Variants in MINK1 observed in about 807,000 individuals in gnomAD.
MINK1 encodes misshapen like kinase 1, also known as misshapen-like kinase 1.
MINK1 carries 46 observed loss-of-function variants against 178.4 expected under a neutral mutation model. The ratio of observed to expected loss-of-function variants is 0.26; its 90% CI spans 0.20 to 0.33. The LOEUF (loss-of-function observed/expected upper bound fraction) is 0.33. Among genes scored for constraint, MINK1 ranks in the 10% least tolerant of loss-of-function variants. The pLI is 1.00. For synonymous variants in MINK1, 797 were observed against 709.7 expected, an observed-to-expected ratio of 1.12 and a Z score of -1.96; for missense variants, 1,366 against 1,814.9, an observed-to-expected ratio of 0.75 and a Z score of 4.49.
intron 19 of MINK1, 93 bp downstream of exon 19, chr17:4,892,861 C>CG (rs952006677): frequency 1.4e-6 from 2 of 1,394,482 alleles, no homozygotes; most frequent in Non-Finnish European, 2.0e-6. Flanking sequence ...GGCACCCACA[C>CG]GGACAGGGAG....
At chr17:4,846,660 C>T (rs980526578) in intron 1 of MINK1, among the ~76,000 whole-genome samples, 1 of 152,180 alleles carries the variant, frequency 6.6e-6, no homozygotes, top group Non-Finnish European at 1.5e-5. Context: ...AGCAGAGCCT[C>T]TATGGGCCAT....
intron 1 of MINK1, among the ~76,000 whole-genome samples, chr17:4,850,320 T>C (rs2150799725): frequency 6.6e-6 from 1 of 152,240 alleles, no homozygotes; most frequent in East Asian, 1.9e-4. Flanking sequence ...ACAGGCCTGG[T>C]GAAAAGTTGA....
chr17:4,878,145 C>T (rs1395680327), intron 1 of MINK1, among the ~76,000 whole-genome samples, 172 bp from the exon 2 acceptor site: 1 of 152,186 alleles, frequency 6.6e-6, no homozygotes, highest in Non-Finnish European at 1.5e-5. Flanking sequence ...AGAACATTCA[C>T]TCTGAACCAA....
In MINK1 at chr17:4,885,007, G is replaced by T; in HGVS notation, c.508+5G>T. The T allele has an allele frequency of 6.2e-7, 1 of 1,613,648 alleles. No homozygotes were observed. The highest frequency in any genetic ancestry group is 8.5e-7 in the Non-Finnish European group (1 of 1,179,722). ...AGAATGCTGAGGTCAAGCTAGGTGCGCCGGCTCCTTCTGAGGCTGACGAGG... is the reference window on the plus strand; with the variant it reads ...AGAATGCTGAGGTCAAGCTAGGTGCTCCGGCTCCTTCTGAGGCTGACGAGG... On this transcript the variant is annotated splice_donor_5th_base_variant and intron_variant, in intron 6 of 31. Transcript: ENST00000355280. This position sits in a 1 kb window ranked among gnomAD's most constrained non-coding sequence, Gnocchi z 5.0.
At chr17:4,856,934 G>GTCCAGTTGATGGT in intron 1 of MINK1, 1 of 166,200 alleles carries the variant, frequency 6.0e-6, no homozygotes. Context: ...TGTGACTGGT[G>GTCCAGTTGATGGT]GGTTTTGAGA....
intron 19 of MINK1, 31 bp downstream of exon 19, chr17:4,892,799 T>C (rs1378706242): frequency 6.4e-7 from 1 of 1,565,704 alleles, no homozygotes; most frequent in Non-Finnish European, 8.7e-7. Context: ...CAGCCTGCTC[T>C]GGGCCTGGGG....
intron 1 of MINK1, among the ~76,000 whole-genome samples, chr17:4,841,043 G>A (rs1271378956): frequency 6.6e-6 from 1 of 152,140 alleles, no homozygotes; most frequent in African/African-American, 2.4e-5. Context: ...TGACAGAGGA[G>A]ATAGCTGAGA....
chr17:4,856,283 C>T (rs1913120227), intron 1 of MINK1, among the ~76,000 whole-genome samples: 1 of 152,138 alleles, frequency 6.6e-6, no homozygotes, highest in African/African-American at 2.4e-5. Flanking sequence ...GCAAGCATCT[C>T]GCGCTCTACT....
chr17:4,850,541 T>C (rs1382227478), intron 1 of MINK1, among the ~76,000 whole-genome samples: 1 of 145,978 alleles, frequency 6.9e-6, no homozygotes, highest in Non-Finnish European at 1.5e-5. Context: ...CTCTACCTGT[T>C]CTTCCTACAG....
rs752419562 is a variant in MINK1, at chr17:4,833,602, G to C, written c.19G>C (p.Ala7Pro). The change falls in exon 1 of 32, where the codon GCC becomes CCC. Residue 7 changes from alanine to proline, a missense_variant. Ala to Pro is a conservative substitution (Grantham distance 27, BLOSUM62 -1). Coordinates refer to ENST00000355280, the MANE Select transcript of MINK1 (RefSeq NM_153827.5). This position sits in a 1 kb window ranked among gnomAD's most constrained non-coding sequence, Gnocchi z 4.8. ...GGAGGCCATGGGCGACCCAGCCCCC[G>C]CCCGCAGCCTGGACGACATCGACCT... MGDPAP[A>P]RSLDDIDLSA... 1 of 1,499,850 alleles carries C rather than the reference G, an allele frequency of 6.7e-7. No individual in the cohort carries two copies. The highest frequency in any genetic ancestry group is 1.5e-5 in the African/African-American group (1 of 68,878). The allele number at this position is 1,499,850 out of a possible 1,614,324, so 92.9% of individuals were successfully genotyped here. A position where few individuals can be genotyped will look rare whatever the true frequency, so the allele number is the denominator to read the frequency against.
intron 1 of MINK1, among the ~76,000 whole-genome samples, chr17:4,838,545 T>C (rs950643536): frequency 4.6e-5 from 7 of 152,152 alleles, no homozygotes; most frequent in Non-Finnish European, 8.8e-5. Context: ...AACTTGCACA[T>C]GTAAACCATC....
At chr17:4,835,206 C>T (rs908249477) in intron 1 of MINK1, among the ~76,000 whole-genome samples, 6 of 152,108 alleles carry the variant, frequency 3.9e-5, no homozygotes, top group African/African-American at 1.4e-4. Context: ...AGATGGAAAT[C>T]CAGATTCTGA....
Position 4,891,672 on chromosome 17 carries a change from A to C in MINK1, c.1957A>C (p.Asn653His), listed in dbSNP as rs746725807. ...CTCTGAAGGACCTGGCCCCAGCCCG[A>C]ATCCCCCAGCCTGGGTCCGCCCAGA... ...PTSEGPGPSP[N>H]PPAWVRPDNE... Residue 653 changes from asparagine (N) to histidine (H), a missense_variant, in exon 16 of 32, where the codon AAT becomes CAT. By Grantham distance (68) the Asn-to-His change is moderately conservative (BLOSUM62 1). Transcript: ENST00000355280. 6 of 1,601,478 alleles carry C rather than the reference A, an allele frequency of 3.7e-6. No individual in the cohort carries two copies. Among genetic ancestry groups the C allele is most frequent in the Admixed American group, 1.7e-5 (1 of 57,684 alleles).
chr17:4,874,949 G>A lies in MINK1; in HGVS notation c.58-3368G>A, dbSNP rs1597487729. On this transcript the variant is annotated intron_variant, in intron 1 of 31. Coordinates refer to ENST00000355280, the MANE Select transcript of MINK1 (RefSeq NM_153827.5). ...GTACTTGTAGTGATTTGACTTGATG[G>A]TGACAGATCATTATGGCTCTAACAG... 1.1e-5 allele frequency: 5 copies of A among 449,222 alleles called. No homozygotes were observed. In the East Asian group the frequency reaches 1.8e-4, roughly 17 times the overall value. The allele number at this position is 449,222 out of a possible 1,614,324, so 27.8% of individuals were successfully genotyped here. A position where few individuals can be genotyped will look rare whatever the true frequency, so the allele number is the denominator to read the frequency against.
intron 2 of MINK1, among the ~76,000 whole-genome samples, chr17:4,878,978 G>C (rs561673952): frequency 6.6e-6 from 1 of 152,234 alleles, no homozygotes; most frequent in African/African-American, 2.4e-5. Context: ...TGGATGGGGG[G>C]AGCCACTCCA....
intron 1 of MINK1, among the ~76,000 whole-genome samples, chr17:4,868,096 C>T (rs1915314435): frequency 6.6e-6 from 1 of 151,796 alleles, no homozygotes; most frequent in South Asian, 2.1e-4. Context: ...CCTGCCTCAG[C>T]CTCCTGAGTA....
rs901398253 is a variant in MINK1 at position 4,896,927 on chromosome 17, T to C, written c.3915+114T>C. 13 of 1,381,428 alleles carry C rather than the reference T, an allele frequency of 9.4e-6. No homozygotes were observed. Among genetic ancestry groups the C allele is most frequent in the Non-Finnish European group, 1.3e-5 (13 of 1,038,472 alleles). The allele number at this position is 1,381,428 out of a possible 1,614,324, so 85.6% of individuals were successfully genotyped here. On this transcript the variant is annotated intron_variant, in intron 31 of 31. Transcript: ENST00000355280. This position sits in a 1 kb window ranked among gnomAD's most constrained non-coding sequence, Gnocchi z 4.6. The stretch of plus-strand genomic sequence containing the variant: ...TGGTGGCTTCCTGAAAGCGGGCCCC[T>C]CTGGGAGCTCAGAGGGCAGTCAGCC...
At chr17:4,839,438 T>C (rs1323556589) in intron 1 of MINK1, among the ~76,000 whole-genome samples, 2 of 152,196 alleles carry the variant, frequency 1.3e-5, no homozygotes, top group Non-Finnish European at 2.9e-5. Context: ...GTCTTCTCTT[T>C]CCTGGATTGA....
In MINK1 at chr17:4,896,964, C is replaced by A; in HGVS notation, c.3915+151C>A. ...GAGGGCAGTCAGCCACTACCACTGCCCTGCGCTCCCTTCAGATTCCGAGGA... is the reference window on the plus strand; with the variant it reads ...GAGGGCAGTCAGCCACTACCACTGCACTGCGCTCCCTTCAGATTCCGAGGA... On this transcript the variant is annotated intron_variant, in intron 31 of 31. Transcript: ENST00000355280. The surrounding 1 kb of genome is among the most constrained non-coding windows in gnomAD (Gnocchi z 4.6). 1 of 1,116,772 alleles carries A rather than the reference C, an allele frequency of 9.0e-7. No homozygotes were observed. Among genetic ancestry groups the A allele is most frequent in the Non-Finnish European group, 1.3e-6 (1 of 799,132 alleles). 69.2% of individuals were successfully genotyped at this position (1,116,772 alleles called of 1,614,324 possible). A position where few individuals can be genotyped will look rare whatever the true frequency, so the allele number is the denominator to read the frequency against.
Sources: allele counts gnomAD v4.1 joint callset (sites outside exome capture counted in the v4.1 genomes callset), GRCh38; gene constraint gnomAD v4.1.1; non-coding constraint Gnocchi (gnomAD v3.1); transcripts MANE v1.5; gene names NCBI Gene and HGNC (gene_info 2026-07-23, HGNC 2026-07-21).